Variants in ALS2 observed in about 807,000 individuals in gnomAD.
The protein encoded by ALS2 is alsin.
Under a neutral mutation model 203.4 loss-of-function variants are expected in ALS2, and 117 were observed. The ratio of observed to expected loss-of-function variants is 0.58; its 90% CI spans 0.50 to 0.67. The LOEUF (loss-of-function observed/expected upper bound fraction) is 0.67. Among genes scored for constraint, ALS2 ranks in the 30% least tolerant of loss-of-function variants. ALS2 has a pLI of 0.00. For synonymous variants in ALS2, 718 were observed against 725.9 expected (o/e 0.99, Z 0.17); for missense variants, 1,715 against 1,989.4 (o/e 0.86, Z 2.62).
chr2:201,754,355 G>A, intron 6 of ALS2, 148 bp downstream of exon 6: 1 of 1,067,130 alleles, frequency 9.4e-7, no homozygotes. Context: ...TAAAGTGACA[G>A]CTTTTTATCA....
intron 24 of ALS2, among the ~76,000 whole-genome samples, chr2:201,717,829 A>G (rs768403828): frequency 2.0e-5 from 3 of 151,944 alleles, no homozygotes; most frequent in Non-Finnish European, 4.4e-5. Context: ...AGTCCCAGCT[A>G]CTAGGGAAGC....
Position 201,761,745 on chromosome 2 carries a change from A to T in ALS2, c.249T>A (p.Ile83=). 1.2e-6 allele frequency: 2 copies of T among 1,614,070 alleles called. No individual in the cohort carries two copies. Among genetic ancestry groups the T allele is most frequent in the South Asian group, 2.2e-5 (2 of 91,086 alleles). The change falls in exon 4 of 34, where the codon ATT becomes ATA. Residue 83 remains isoleucine (I), a synonymous_variant. Transcript: ENST00000264276. ...ATTGCCCAACCAGGGCATTTTCTAG[A>T]ATGGGGCTACTTGGACAAATCTCCA... ...GPVEICPSSP[I]LENALVGQYV...
intron 4 of ALS2, chr2:201,760,404 T>C (rs1156638118): frequency 3.0e-6 from 3 of 987,668 alleles, no homozygotes; most frequent in Non-Finnish European, 3.6e-6. Flanking sequence ...CTGAAACATG[T>C]AATTGCCTGT....
chr2:201,707,824 A>G (rs1689816725), intron 28 of ALS2, 45 bp downstream of exon 28: 1 of 1,605,154 alleles, frequency 6.2e-7, no homozygotes, highest in Non-Finnish European at 8.5e-7. Context: ...AAGATCATCT[A>G]GTCACCATTC....
At chr2:201,725,138 A>G (rs1691077984) in intron 20 of ALS2, among the ~76,000 whole-genome samples, 1 of 152,074 alleles carries the variant, frequency 6.6e-6, no homozygotes. Flanking sequence ...AATTTAGATA[A>G]GAACTAAATT....
intron 25 of ALS2, among the ~76,000 whole-genome samples, chr2:201,714,991 G>A (rs991063799): frequency 6.6e-6 from 1 of 152,118 alleles, no homozygotes; most frequent in East Asian, 1.9e-4. Context: ...CCACATCTAG[G>A]GACAGATGGT....
chr2:201,715,613 G>C, intron 25 of ALS2, 59 bp downstream of exon 25: 4 of 1,588,626 alleles, frequency 2.5e-6, no homozygotes, highest in Non-Finnish European at 3.5e-6. Flanking sequence ...ACTACTTACT[G>C]GTCTTAAGTT....
In ALS2 at chr2:201,728,544, T is replaced by G. The variant is rs1452614947; in HGVS notation, c.2809A>C (p.Ile937Leu). Reference sequence around the variant, plus strand: ...TGGACCAGGGCATCATTAAAGAGAATGAACCAATTCACGGAAAACCTCCCA... The same window carrying G: ...TGGACCAGGGCATCATTAAAGAGAAGGAACCAATTCACGGAAAACCTCCCA... ...HAGRFSVNWF[I>L]LFNDALVHAQ... Residue 937 changes from isoleucine to leucine, a missense_variant, in exon 15 of 34, where the codon ATT (isoleucine) becomes CTT (leucine). Physicochemically the swap from Ile to Leu is conservative, Grantham distance 5 (BLOSUM62 2). Transcript: ENST00000264276. The G allele has an allele frequency of 2.5e-6, 4 of 1,614,140 alleles. No individual in the cohort carries two copies. Among genetic ancestry groups the G allele is most frequent in the South Asian group, 1.1e-5 (1 of 91,082 alleles).
At chr2:201,715,919 C>A in intron 24 of ALS2, 80 bp from the exon 25 acceptor site, 1 of 1,527,794 alleles carries the variant, frequency 6.5e-7, no homozygotes, top group Non-Finnish European at 9.1e-7. Flanking sequence ...TTCTAACATA[C>A]AACTGAGAAT....
At position 201,754,744 on chromosome 2, in the gene ALS2, T is replaced by C. The variant is rs1693280552; in HGVS notation, c.1472-73A>G. The C allele has an allele frequency of 4.5e-6, 7 of 1,541,594 alleles. No individual in the cohort carries two copies. The South Asian group carries it at 8.0e-5, about 18-fold the overall frequency. ...AAGAAAACATATCATTTGGACAAAC[T>C]TAAGATTTTCAAAAACATACGCCAC... On this transcript the variant is annotated intron_variant, in intron 5 of 33. Transcript: ENST00000264276.
intron 12 of ALS2, 143 bp from the exon 13 acceptor site, chr2:201,733,581 C>A: frequency 2.7e-6 from 2 of 729,980 alleles, no homozygotes. Context: ...ATGAAATAAG[C>A]CAGATATAAT....
intron 14 of ALS2, 98 bp from the exon 15 acceptor site, chr2:201,728,738 T>G: frequency 7.0e-7 from 1 of 1,428,300 alleles, no homozygotes; most frequent in Non-Finnish European, 9.6e-7. Context: ...TTAAGGGAAT[T>G]TGCTGGTCGT....
At chr2:201,721,726 C>T (rs569442166) in intron 23 of ALS2, among the ~76,000 whole-genome samples, 4 of 152,254 alleles carry the variant, frequency 2.6e-5, no homozygotes, top group Non-Finnish European at 4.4e-5. Flanking sequence ...CACAGTGCCA[C>T]GATTTCGGCT....
At chr2:201,739,687 G>A (rs920153304) in intron 11 of ALS2, among the ~76,000 whole-genome samples, 33 of 150,294 alleles carry the variant, frequency 2.2e-4, no homozygotes, top group African/African-American at 7.4e-4. Flanking sequence ...AGGTTGCGGC[G>A]AGCCAAGACC....
At position 201,705,470 on chromosome 2, in the gene ALS2, G is replaced by T; in HGVS notation, c.4581-9C>A. 1 of 1,605,468 alleles carries T rather than the reference G, an allele frequency of 6.2e-7. No homozygotes were observed. Among genetic ancestry groups the T allele is most frequent in the Non-Finnish European group, 8.5e-7 (1 of 1,172,426 alleles). On this transcript the variant is annotated splice_polypyrimidine_tract_variant and intron_variant, in intron 29 of 33. Transcript: ENST00000264276. ...TTGCTGGCCAAAATTTCCTATAATGGAATCCATAAATTATTAATATAAGTT... is the reference window on the plus strand; with the variant it reads ...TTGCTGGCCAAAATTTCCTATAATGTAATCCATAAATTATTAATATAAGTT...
chr2:201,746,604 T>G lies in ALS2; in HGVS notation c.1960A>C (p.Ser654Arg), dbSNP rs61757690. The G allele has an allele frequency of 1.7e-5, 28 of 1,614,196 alleles. No individual in the cohort carries two copies. The highest frequency in any genetic ancestry group is 2.3e-5 in the Non-Finnish European group (27 of 1,180,026). The change falls in exon 9 of 34, where the codon AGT (serine) becomes CGT (arginine). Residue 654 changes from serine (S) to arginine (R), a missense_variant. Transcript: ENST00000264276. ...AGAAGTACTGGAGTCTTAGAACCAC[T>G]GTGATTCTCTGGAAGGTTGTCACCT... is the stretch of plus-strand genomic sequence containing the variant. ...TEGDNLPENH[S>R]GSKTPVLLSC...
At position 201,701,433 on chromosome 2, in the gene ALS2, A is replaced by G. The variant is rs1689382856; in HGVS notation, c.*418T>C. 1 of 165,956 alleles carries G rather than the reference A, an allele frequency of 6.0e-6. No individual in the cohort carries two copies. Among genetic ancestry groups the G allele is most frequent in the African/African-American group, 2.4e-5 (1 of 41,632 alleles). 10.3% of individuals were successfully genotyped at this position (165,956 alleles called of 1,614,324 possible). Reference sequence around the variant, plus strand: ...CTGGTTCTTGCAAACGGATCGGGGTAACTGCAGGTGGATTCAGGCAAACCA... The same window carrying G: ...CTGGTTCTTGCAAACGGATCGGGGTGACTGCAGGTGGATTCAGGCAAACCA... On this transcript the variant is annotated 3_prime_UTR_variant, in exon 34 of 34. Transcript: ENST00000264276.
chr2:201,721,454 G>T (rs1301377450), intron 23 of ALS2, among the ~76,000 whole-genome samples: 1 of 152,152 alleles, frequency 6.6e-6, no homozygotes, highest in Non-Finnish European at 1.5e-5. Flanking sequence ...ATTAACACAA[G>T]GAGAGACATG....
At chr2:201,758,610 C>G (rs1050458357) in intron 4 of ALS2, among the ~76,000 whole-genome samples, 1 of 152,092 alleles carries the variant, frequency 6.6e-6, no homozygotes, top group Non-Finnish European at 1.5e-5. Context: ...ATTAAATGTA[C>G]CTACCAAACA....
Sources: gnomAD v4.1 joint callset for allele counts (sites outside exome capture counted in the v4.1 genomes callset) on GRCh38, gnomAD v4.1.1 for gene constraint, MANE v1.5 for transcripts, NCBI Gene and HGNC (gene_info 2026-07-23, HGNC 2026-07-21) for gene names.